Variants in MGAT5 observed in about 807,000 individuals in gnomAD.
The protein encoded by MGAT5 is alpha-1,6-mannosylglycoprotein 6-beta-N-acetylglucosaminyltransferase, also known as alpha-1,6-mannosylglycoprotein 6-beta-N-acetylglucosaminyltransferase A.
A neutral mutation model predicts 94.3 loss-of-function variants in MGAT5; 30 were observed. That is an observed-to-expected ratio of 0.32 (90% CI 0.24 to 0.43). The LOEUF (loss-of-function observed/expected upper bound fraction) is 0.43, where lower values mean the gene tolerates loss of function less well. Among genes scored for constraint, MGAT5 ranks in the 20% least tolerant of loss-of-function variants. The probability of loss-of-function intolerance (pLI) is 1.00; values close to 1 mark genes in which losing one functional copy is unlikely to be tolerated. For synonymous variants in MGAT5, 310 were observed against 322.9 expected (o/e 0.96, Z 0.43); for missense variants, 691 against 905.5 (o/e 0.76, Z 3.04).
chr2:134,191,950 C>T (rs1488706398), intron 1 of MGAT5, among the ~76,000 whole-genome samples: 4 of 149,342 alleles, frequency 2.7e-5, no homozygotes, highest in African/African-American at 7.4e-5. Flanking sequence ...TTCGTGCCCT[C>T]CTTCTCCTCC....
At chr2:134,223,138 G>A (rs1156750971) in intron 1 of MGAT5, among the ~76,000 whole-genome samples, 1 of 152,042 alleles carries the variant, frequency 6.6e-6, no homozygotes. Flanking sequence ...TGGCTGGGGT[G>A]GATGCAAAAG....
intron 8 of MGAT5, among the ~76,000 whole-genome samples, chr2:134,349,108 C>T (rs1302795159): frequency 6.6e-6 from 1 of 152,126 alleles, no homozygotes; most frequent in Non-Finnish European, 1.5e-5. Context: ...TTTTAAAAAC[C>T]ATTTAAGAAT....
intron 1 of MGAT5, among the ~76,000 whole-genome samples, chr2:134,152,223 A>G (rs538275950): frequency 2.3e-5 from 3 of 132,664 alleles, no homozygotes; most frequent in South Asian, 4.9e-4. Context: ...CTCACACCCT[A>G]TGGGACCCGC....
intron 14 of MGAT5, 73 bp from the exon 15 acceptor site, chr2:134,441,684 AG>A (rs1685493455): frequency 6.6e-7 from 1 of 1,520,530 alleles, no homozygotes; most frequent in South Asian, 1.2e-5. Flanking sequence ...CTCCATTGCT[AG>A]GGTGGTTGGC....
At chr2:134,186,792 A>G (rs574028660) in intron 1 of MGAT5, among the ~76,000 whole-genome samples, 6 of 152,262 alleles carry the variant, frequency 3.9e-5, no homozygotes, top group African/African-American at 1.2e-4. Context: ...TTGAGGTCCT[A>G]CTCTGCACTC....
At chr2:134,164,555 A>T (rs939233557) in intron 1 of MGAT5, among the ~76,000 whole-genome samples, 1 of 152,124 alleles carries the variant, frequency 6.6e-6, no homozygotes, top group Admixed American at 6.5e-5. Flanking sequence ...GTGGTTGCAC[A>T]GGGTGGTTAT....
intron 2 of MGAT5, among the ~76,000 whole-genome samples, chr2:134,283,184 G>A (rs780850267): frequency 1.3e-5 from 2 of 152,156 alleles, no homozygotes; most frequent in Middle Eastern, 3.2e-3. Context: ...GAGTTCCACA[G>A]TGGTGCAACT....
At chr2:134,337,292 C>T (rs1460214158) in intron 5 of MGAT5, among the ~76,000 whole-genome samples, 9 of 152,148 alleles carry the variant, frequency 5.9e-5, no homozygotes, top group Admixed American at 5.9e-4. Flanking sequence ...CTGGGCAATA[C>T]AGCAGGACCC....
At chr2:134,372,349 G>T (rs1046414922) in intron 10 of MGAT5, among the ~76,000 whole-genome samples, 5 of 152,130 alleles carry the variant, frequency 3.3e-5, no homozygotes, top group African/African-American at 1.2e-4. Flanking sequence ...ACAGCCAATC[G>T]CATAAATCCA....
intron 2 of MGAT5, among the ~76,000 whole-genome samples, chr2:134,296,889 A>T (rs1010519951): frequency 1.3e-5 from 2 of 152,162 alleles, no homozygotes; most frequent in Non-Finnish European, 2.9e-5. Flanking sequence ...TCCTAGACAC[A>T]ATCTGTACTG....
At chr2:134,378,512 C>T (rs1681330993) in intron 10 of MGAT5, among the ~76,000 whole-genome samples, 1 of 152,124 alleles carries the variant, frequency 6.6e-6, no homozygotes, top group South Asian at 2.1e-4. Context: ...GCCATTTACT[C>T]TCTCTGTGCT....
intron 4 of MGAT5, among the ~76,000 whole-genome samples, chr2:134,328,373 C>T (rs996190452): frequency 1.3e-5 from 2 of 152,032 alleles, no homozygotes; most frequent in African/African-American, 4.8e-5. Context: ...AGAGGAAACA[C>T]ACAAGACCTG....
chr2:134,356,122 C>A (rs1010241948), intron 9 of MGAT5, among the ~76,000 whole-genome samples: 1 of 152,164 alleles, frequency 6.6e-6, no homozygotes, highest in Non-Finnish European at 1.5e-5. Context: ...TGTGAAGACA[C>A]ACAAGAATTT....
At chr2:134,239,843 A>G (rs1681874594) in intron 1 of MGAT5, among the ~76,000 whole-genome samples, 1 of 152,290 alleles carries the variant, frequency 6.6e-6, no homozygotes, top group Admixed American at 6.5e-5. Flanking sequence ...AAGTAAGAAA[A>G]AAGACAAGGA....
At chr2:134,165,761 C>T (rs1024916308) in intron 1 of MGAT5, among the ~76,000 whole-genome samples, 7 of 151,142 alleles carry the variant, frequency 4.6e-5, no homozygotes, top group African/African-American at 9.7e-5. Context: ...GGCGACAGAG[C>T]GAAACTCTGT....
At chr2:134,295,152 TA>T (rs1352436895) in intron 2 of MGAT5, among the ~76,000 whole-genome samples, 1 of 152,256 alleles carries the variant, frequency 6.6e-6, no homozygotes. Context: ...GGTTTTAGTA[TA>T]TAGTTTAGAT....
chr2:134,246,166 A>AT lies in MGAT5; in HGVS notation c.-142-8095dup, dbSNP rs1018047449. 1.1e-4 allele frequency among the ~76,000 whole-genome samples: 9 copies of AT among 82,770 alleles called. 1 individual carries two copies. The highest frequency in any genetic ancestry group is 4.1e-4 in the South Asian group (1 of 2,414). 54.3% of individuals were successfully genotyped at this position (82,770 alleles called of 152,430 possible). A position where few individuals can be genotyped will look rare whatever the true frequency, so the allele number is the denominator to read the frequency against. On this transcript the variant is annotated intron_variant, in intron 1 of 16. Coordinates refer to the MGAT5 transcript ENST00000409645. ...CATTTAGAATGTGTTTTTCCTGTTT[A>AT]TAAAAAAAAAAAAAAAAAAAAGGAC...
intron 12 of MGAT5, among the ~76,000 whole-genome samples, chr2:134,420,888 A>G (rs1175828126): frequency 6.6e-6 from 1 of 152,238 alleles, no homozygotes; most frequent in Non-Finnish European, 1.5e-5. Context: ...TGGAATCAAG[A>G]ACTGTGCTGT....
chr2:134,295,553 CTTT>C (rs1195706858), intron 2 of MGAT5, among the ~76,000 whole-genome samples: 1 of 152,142 alleles, frequency 6.6e-6, no homozygotes, highest in Non-Finnish European at 1.5e-5. Flanking sequence ...TTTGTTGTCA[CTTT>C]AAGGGTATTC....
Sources: allele counts gnomAD v4.1 joint callset (sites outside exome capture counted in the v4.1 genomes callset), GRCh38; gene constraint gnomAD v4.1.1; transcripts MANE v1.5; gene names NCBI Gene and HGNC (gene_info 2026-07-23, HGNC 2026-07-21).